The following MFSD11 variants were observed in gnomAD, a reference collection of about 807,000 sequenced individuals.
MFSD11 encodes UNC93-like protein MFSD11.
Under a neutral mutation model 53.5 loss-of-function variants are expected in MFSD11, and 36 were observed. The observed-to-expected ratio is 0.67, with a 90% CI of 0.52 to 0.89. The LOEUF (loss-of-function observed/expected upper bound fraction) is 0.89, where lower values mean the gene tolerates loss of function less well. Among genes scored for constraint, MFSD11 ranks in the 40% least tolerant of loss-of-function variants. The pLI, the probability that MFSD11 is intolerant of heterozygous loss-of-function variation, is 0.00. For missense variants in MFSD11, 530 were observed against 543.9 expected (o/e 0.97, Z 0.25); for synonymous variants, 186 against 184.9 (o/e 1.01, Z -0.05).
At chr17:76,738,116 G>A (rs568859548), upstream of MFSD11, 3 of 516,940 alleles carry the variant, frequency 5.8e-6, no homozygotes, top group South Asian at 3.2e-5. Context: ...TTCTCCGGGG[G>A]TTGTGCTCTT....
At chr17:76,772,121 A>G (rs1598750054) in intron 10 of MFSD11, among the ~76,000 whole-genome samples, 1 of 152,170 alleles carries the variant, frequency 6.6e-6, no homozygotes, top group African/African-American at 2.4e-5. Flanking sequence ...TTTCAAATTG[A>G]TAAGAAATTG....
chr17:76,740,867 C>T, intron 2 of MFSD11, 90 bp from the exon 3 acceptor site: 1 of 748,758 alleles, frequency 1.3e-6, no homozygotes. Context: ...ATTGTAAAAT[C>T]TATAAACAAA....
In MFSD11 at chr17:76,744,409, C is replaced by T. The variant is rs759982755; in HGVS notation, c.584C>T (p.Ser195Phe). ...VLFFLIRKPD[S>F]ENVLGEDESS... ...TTCTTTCTCATTCGGAAACCAGATT[C>T]TGAAAATGTCCTAGGAGAAGATGAG... Residue 195 changes from serine to phenylalanine, a missense_variant, in exon 7 of 13, where the codon TCT becomes TTT. Ser to Phe is a radical substitution (Grantham distance 155). Transcript: ENST00000685175. 6.2e-7 allele frequency: 1 copy of T among 1,614,102 alleles called. No individual in the cohort carries two copies. Among genetic ancestry groups the T allele is most frequent in the Non-Finnish European group, 8.5e-7 (1 of 1,179,978 alleles).
chr17:76,790,374 C>T, the MFSD11 span, among the ~76,000 whole-genome samples: 3 of 146,608 alleles, frequency 2.0e-5, 1 homozygote, highest in Non-Finnish European at 3.0e-5. Context: ...CACCATCTCA[C>T]TCTGTTGCCC....
intron 7 of MFSD11, among the ~76,000 whole-genome samples, chr17:76,750,138 A>T (rs1363533660): frequency 1.3e-5 from 2 of 152,118 alleles, no homozygotes; most frequent in Non-Finnish European, 2.9e-5. Flanking sequence ...AGTGATTTGC[A>T]GCTGAATTAT....
At chr17:76,798,181 C>T in the MFSD11 span, among the ~76,000 whole-genome samples, 1 of 152,270 alleles carries the variant, frequency 6.6e-6, no homozygotes, top group Non-Finnish European at 1.5e-5. Context: ...AGCCACCATG[C>T]CTGGCCCAGG....
intron 8 of MFSD11, among the ~76,000 whole-genome samples, chr17:76,764,701 A>G (rs2080654944): frequency 6.6e-6 from 1 of 152,182 alleles, no homozygotes; most frequent in South Asian, 2.1e-4. Context: ...ACACACACAC[A>G]CACATATACA....
chr17:76,763,243 G>A (rs2080462738), intron 8 of MFSD11, among the ~76,000 whole-genome samples: 1 of 151,834 alleles, frequency 6.6e-6, no homozygotes, highest in Non-Finnish European at 1.5e-5. Flanking sequence ...CCACGTGCTT[G>A]CAGTTATTTT....
At chr17:76,787,139 T>C in the MFSD11 span, among the ~76,000 whole-genome samples, 5 of 148,976 alleles carry the variant, frequency 3.4e-5, no homozygotes, top group African/African-American at 7.4e-5. Context: ...ATTTCTTTTT[T>C]TTTTTTTTTT....
intron 8 of MFSD11, among the ~76,000 whole-genome samples, chr17:76,766,240 A>G (rs1026143817): frequency 2.6e-5 from 4 of 151,726 alleles, no homozygotes; most frequent in African/African-American, 9.7e-5. Flanking sequence ...AACATGGCAG[A>G]ACCCCTTCTC....
rs1424761366 is a variant in MFSD11, at chr17:76,738,202, C to G, written c.-151C>G. The G allele has an allele frequency of 3.2e-6, 2 of 621,754 alleles. No individual in the cohort carries two copies. The highest frequency in any genetic ancestry group is 5.5e-5 in the East Asian group (2 of 36,636). 38.5% of individuals were successfully genotyped at this position (621,754 alleles called of 1,614,324 possible). On this transcript the variant is annotated 5_prime_UTR_variant, in exon 1 of 13. In the 5' UTR this introduces an upstream ATG that the reference lacks. Transcript: ENST00000685175. Reference sequence around the variant, plus strand: ...TTCGCCCTAAACCTGGGGTTCCGATCCAGGAACTGGAAGTTGACAGCTTGG... The same window carrying G: ...TTCGCCCTAAACCTGGGGTTCCGATGCAGGAACTGGAAGTTGACAGCTTGG...
At chr17:76,792,177 G>A in the MFSD11 span, among the ~76,000 whole-genome samples, 1 of 148,324 alleles carries the variant, frequency 6.7e-6, no homozygotes, top group African/African-American at 2.5e-5. Flanking sequence ...GGAGTGCAGT[G>A]GCACTATCTT....
chr17:76,777,501 C>T (rs2081956707), intron 12 of MFSD11, among the ~76,000 whole-genome samples: 1 of 152,142 alleles, frequency 6.6e-6, no homozygotes, highest in African/African-American at 2.4e-5. Context: ...CCACAAAGTG[C>T]TGGGATTATA....
chr17:76,740,920 T>TTG, intron 2 of MFSD11, 37 bp from the exon 3 acceptor site: 1 of 1,031,812 alleles, frequency 9.7e-7, no homozygotes, highest in Non-Finnish European at 1.4e-6. Context: ...CTTTGTTCTT[T>TTG]TTTTTTTTTT....
At chr17:76,737,581 C>T, upstream of MFSD11, 1 of 234,308 alleles carries the variant, frequency 4.3e-6, no homozygotes, top group South Asian at 1.3e-4. Context: ...CTTTTTCCGC[C>T]TGGGAGGCCG....
At chr17:76,744,244 T>G in intron 6 of MFSD11, 78 bp from the exon 7 acceptor site, 3 of 1,394,894 alleles carry the variant, frequency 2.2e-6, no homozygotes, top group South Asian at 1.5e-5. Flanking sequence ...TTGACAGTTG[T>G]AAGCAGCCCT....
chr17:76,773,718 C>T (rs552089949), intron 10 of MFSD11, among the ~76,000 whole-genome samples: 2 of 152,258 alleles, frequency 1.3e-5, no homozygotes, highest in Admixed American at 1.3e-4. Flanking sequence ...AGCGATTCTC[C>T]TGCTTCAGCC....
chr17:76,786,616 A>G, the MFSD11 span, among the ~76,000 whole-genome samples: 2 of 152,178 alleles, frequency 1.3e-5, no homozygotes, highest in Non-Finnish European at 2.9e-5. Flanking sequence ...GGAGTCACAC[A>G]GAACACACTC....
chr17:76,774,077 C>T (rs1383940838), intron 10 of MFSD11, among the ~76,000 whole-genome samples: 1 of 151,916 alleles, frequency 6.6e-6, no homozygotes, highest in Admixed American at 6.6e-5. Flanking sequence ...AGGCATGTGC[C>T]ACCACACCTG....
Sources: allele counts gnomAD v4.1 joint callset (sites outside exome capture counted in the v4.1 genomes callset), GRCh38; gene constraint gnomAD v4.1.1; transcripts MANE v1.5; gene names NCBI Gene and HGNC (gene_info 2026-07-23, HGNC 2026-07-21).